The following ZFAT variants were observed in gnomAD, a reference collection of about 807,000 sequenced individuals.
ZFAT encodes the protein zinc finger protein ZFAT.
Under a neutral mutation model 117.7 loss-of-function variants are expected in ZFAT, and 64 were observed. The observed-to-expected ratio is 0.54, with a 90% CI of 0.44 to 0.67. The LOEUF is 0.67. Among genes scored for constraint, ZFAT ranks in the 30% least tolerant of loss-of-function variants. ZFAT has a pLI of 0.00. For missense variants in ZFAT, 1,433 were observed against 1,584.5 expected (o/e 0.90, Z 1.62); for synonymous variants, 679 against 615.0 (o/e 1.10, Z -1.54).
chr8:134,608,287 A>T (rs1828042864), intron 5 of ZFAT, among the ~76,000 whole-genome samples: 1 of 152,242 alleles, frequency 6.6e-6, no homozygotes, highest in African/African-American at 2.4e-5. Context: ...ACTCTAGGTT[A>T]CTTTAATGCC....
At chr8:134,521,961 T>C (rs1820696131) in intron 12 of ZFAT, among the ~76,000 whole-genome samples, 2 of 152,186 alleles carry the variant, frequency 1.3e-5, no homozygotes, top group South Asian at 4.1e-4. Flanking sequence ...AAACTCTGGC[T>C]TCCCATCCTT....
the ZFAT span, among the ~76,000 whole-genome samples, chr8:134,725,828 G>A: frequency 1.3e-5 from 2 of 152,100 alleles, no homozygotes; most frequent in African/African-American, 4.8e-5. Flanking sequence ...TCTGCCTTCA[G>A]CTCACCACTG....
chr8:134,564,673 G>A (rs72719749), intron 11 of ZFAT, among the ~76,000 whole-genome samples: 23,702 of 152,256 alleles, frequency 0.16, 2,108 homozygotes, highest in Non-Finnish European at 0.21. Flanking sequence ...TGTGTGCCAT[G>A]TTGCTGTGCC....
At chr8:134,507,342 TC>T (rs1819489940) in intron 15 of ZFAT, among the ~76,000 whole-genome samples, 1 of 152,190 alleles carries the variant, frequency 6.6e-6, no homozygotes, top group African/African-American at 2.4e-5. Context: ...GGAGTGGTGC[TC>T]AGCGTCTACC....
rs373053658 is a variant in ZFAT at position 134,499,128 on chromosome 8, G to C, written c.3492+10491C>G. Among the ~76,000 whole-genome samples, 6 of 115,212 alleles carry C rather than the reference G, an allele frequency of 5.2e-5. 1 individual carries two copies. The highest frequency in any genetic ancestry group is 2.4e-4 in the East Asian group (1 of 4,122). The allele number at this position is 115,212 out of a possible 152,430, so 75.6% of individuals were successfully genotyped here. ...ATGCCCCCGTTGCTGGTTACACACA[G>C]AGCCTGATTTGGTAGGGTTGGCGTG... is the stretch of plus-strand genomic sequence containing the variant. On this transcript the variant is annotated intron_variant, in intron 15 of 15. Coordinates refer to ENST00000377838, the MANE Select transcript of ZFAT (RefSeq NM_020863.4).
chr8:134,683,983 T>C (rs1216827221), intron 1 of ZFAT, among the ~76,000 whole-genome samples: 3 of 152,176 alleles, frequency 2.0e-5, no homozygotes, highest in Non-Finnish European at 2.9e-5. Context: ...TAAGCAAATC[T>C]GCAGGTTAGG....
At chr8:134,575,531 C>T (rs1023912173) in intron 10 of ZFAT, among the ~76,000 whole-genome samples, 6 of 152,244 alleles carry the variant, frequency 3.9e-5, no homozygotes, top group African/African-American at 1.4e-4. Flanking sequence ...GATCGCTGAC[C>T]TCCAGAGCTG....
chr8:134,582,747 T>C (rs766007502), intron 10 of ZFAT, among the ~76,000 whole-genome samples: 14 of 152,290 alleles, frequency 9.2e-5, no homozygotes, highest in Middle Eastern at 3.4e-3. Flanking sequence ...ACCTGAATAC[T>C]TGCCAAGGGC....
intron 12 of ZFAT, among the ~76,000 whole-genome samples, chr8:134,528,961 G>A (rs1821213167): frequency 6.6e-6 from 1 of 152,160 alleles, no homozygotes; most frequent in Non-Finnish European, 1.5e-5. Context: ...ATGTAATAGT[G>A]GATTTGAGCC....
chr8:134,502,555 A>G (rs900909602), intron 15 of ZFAT, among the ~76,000 whole-genome samples: 1 of 152,234 alleles, frequency 6.6e-6, no homozygotes, highest in Non-Finnish European at 1.5e-5. Context: ...TTCACGCTGT[A>G]TGCTGAGCCC....
intron 1 of ZFAT, among the ~76,000 whole-genome samples, chr8:134,661,583 G>A (rs947334044): frequency 6.6e-6 from 1 of 152,212 alleles, no homozygotes; most frequent in Non-Finnish European, 1.5e-5. Flanking sequence ...AGTGGCCATG[G>A]CGGAATGAGG....
chr8:134,562,556 T>C (rs1824129460), intron 11 of ZFAT, among the ~76,000 whole-genome samples: 1 of 152,192 alleles, frequency 6.6e-6, no homozygotes, highest in Non-Finnish European at 1.5e-5. Context: ...AGTTGTGGGA[T>C]GAGAGAAACT....
At chr8:134,746,582 AC>A in the ZFAT span, among the ~76,000 whole-genome samples, 1 of 152,162 alleles carries the variant, frequency 6.6e-6, no homozygotes, top group Non-Finnish European at 1.5e-5. Context: ...GTGTTGCTGA[AC>A]TTTTTTTTAA....
chr8:134,514,543 G>C (rs141403999), intron 13 of ZFAT, among the ~76,000 whole-genome samples: 190 of 152,216 alleles, frequency 1.2e-3, no homozygotes, highest in African/African-American at 3.9e-3. Flanking sequence ...TTTTACAAAT[G>C]GTTTCTCTCA....
chr8:134,494,983 CAGAG>C (rs1490404075), intron 15 of ZFAT, among the ~76,000 whole-genome samples: 2 of 152,194 alleles, frequency 1.3e-5, no homozygotes, highest in Non-Finnish European at 2.9e-5. Flanking sequence ...ACTTCTCTCT[CAGAG>C]TAGGAAGATC....
rs148925550 is a variant in ZFAT, at chr8:134,637,070, A to G, written c.448+391T>C. Reference sequence around the variant, plus strand: ...TCAATGCCACCCAAACTGTGACACCAGATTCACTCCTGACTTTCCATCAGA... The same window carrying G: ...TCAATGCCACCCAAACTGTGACACCGGATTCACTCCTGACTTTCCATCAGA... On this transcript the variant is annotated intron_variant, in intron 3 of 15. Transcript: ENST00000377838. Among the ~76,000 whole-genome samples, 705 of 152,352 alleles carry G rather than the reference A, an allele frequency of 4.6e-3. 1 individual carries two copies. The highest frequency in any genetic ancestry group is 0.016 in the African/African-American group (649 of 41,590).
the ZFAT span, among the ~76,000 whole-genome samples, chr8:134,801,745 T>C: frequency 3.0e-4 from 46 of 152,328 alleles, no homozygotes; most frequent in African/African-American, 1.1e-3. Flanking sequence ...TGGTCTCACA[T>C]TTTCAACAAA....
intron 11 of ZFAT, among the ~76,000 whole-genome samples, chr8:134,545,489 T>C (rs914859642): frequency 1.1e-4 from 16 of 152,164 alleles, no homozygotes; most frequent in African/African-American, 3.4e-4. Context: ...ACTCTGTCTC[T>C]ACAAAAAGTA....
At chr8:134,660,191 G>A (rs79447664) in intron 1 of ZFAT, among the ~76,000 whole-genome samples, 2,195 of 152,264 alleles carry the variant, frequency 0.014, 23 homozygotes, top group Non-Finnish European at 0.022. Context: ...CCAAAGGTAG[G>A]AAACTGAGGC....
Sources: gnomAD v4.1 joint callset for allele counts (sites outside exome capture counted in the v4.1 genomes callset) on GRCh38, gnomAD v4.1.1 for gene constraint, MANE v1.5 for transcripts, NCBI Gene and HGNC (gene_info 2026-07-23, HGNC 2026-07-21) for gene names.